Variants in GALNT18 observed in about 807,000 individuals in gnomAD.
GALNT18 encodes GalNAc-transferase 18.
A neutral mutation model predicts 69.5 loss-of-function variants in GALNT18; 44 were observed. That is an observed-to-expected ratio of 0.63 (90% confidence interval 0.50 to 0.81). The LOEUF (loss-of-function observed/expected upper bound fraction) is 0.81. Ranked by LOEUF, GALNT18 falls within the 40% of genes least tolerant of loss-of-function variation. GALNT18 has a pLI of 0.00. For missense variants in GALNT18, 715 were observed against 810.0 expected, an observed-to-expected ratio of 0.88 and a Z score of 1.42; for synonymous variants, 364 against 318.2, an observed-to-expected ratio of 1.14 and a Z score of -1.53.
At chr11:11,365,262 CTG>C (rs749996569) in intron 6 of GALNT18, among the ~76,000 whole-genome samples, 1 of 152,066 alleles carries the variant, frequency 6.6e-6, no homozygotes, top group Non-Finnish European at 1.5e-5. Context: ...TTTTCTGTTC[CTG>C]TGTTAGTTTG....
chr11:11,558,866 C>T (rs1332579494), intron 1 of GALNT18, among the ~76,000 whole-genome samples: 1 of 152,210 alleles, frequency 6.6e-6, no homozygotes, highest in Non-Finnish European at 1.5e-5. Flanking sequence ...GGAGTCCCCA[C>T]TTACTGTCCT....
chr11:11,552,695 C>T (rs1257790613), intron 1 of GALNT18, among the ~76,000 whole-genome samples: 1 of 152,168 alleles, frequency 6.6e-6, no homozygotes, highest in Non-Finnish European at 1.5e-5. Flanking sequence ...TATACTGTGA[C>T]CCTGCTAAGA....
Position 11,613,759 on chromosome 11 carries a change from T to C in GALNT18, c.235+7600A>G, listed in dbSNP as rs12275186. Among the ~76,000 whole-genome samples the C allele has an allele frequency of 8.9e-3, 1,359 of 152,298 alleles. 22 individuals are homozygous for C. Among genetic ancestry groups the C allele is most frequent in the African/African-American group, 0.031 (1,305 of 41,570 alleles). On this transcript the variant is annotated intron_variant, in intron 1 of 10. Transcript: ENST00000227756. This position sits in a 1 kb window ranked among gnomAD's most constrained non-coding sequence, Gnocchi z 4.2. ...TTCCAGGCCAGCATAAACAGCATGG[T>C]CCACCATTCATTGATGGTGGCTTAG... is the stretch of plus-strand genomic sequence containing the variant.
chr11:11,289,922 G>T (rs917224456), intron 10 of GALNT18, among the ~76,000 whole-genome samples: 2 of 152,192 alleles, frequency 1.3e-5, no homozygotes, highest in Non-Finnish European at 1.5e-5. Context: ...ACACAGAAAG[G>T]CTGAGGCTCA....
chr11:11,287,338 C>T (rs1185625742), intron 10 of GALNT18, among the ~76,000 whole-genome samples: 1 of 152,222 alleles, frequency 6.6e-6, no homozygotes, highest in Non-Finnish European at 1.5e-5. Flanking sequence ...CATCTTTGAA[C>T]AGAGGACTCC....
At chr11:11,297,761 G>GTCAT (rs925298492) in intron 9 of GALNT18, among the ~76,000 whole-genome samples, 1 of 152,132 alleles carries the variant, frequency 6.6e-6, no homozygotes, top group Non-Finnish European at 1.5e-5. Flanking sequence ...GCAGAGAAAC[G>GTCAT]TCATCCCCGC....
intron 1 of GALNT18, among the ~76,000 whole-genome samples, chr11:11,578,869 T>C (rs896278692): frequency 1.3e-5 from 2 of 152,240 alleles, no homozygotes; most frequent in African/African-American, 2.4e-5. Context: ...TCTGATGCCT[T>C]GTGCCTTGTT....
At chr11:11,481,921 T>C (rs71478968) in intron 1 of GALNT18, among the ~76,000 whole-genome samples, 1,834 of 152,342 alleles carry the variant, frequency 0.012, 24 homozygotes, top group South Asian at 0.032. Flanking sequence ...CTTCAAAGCA[T>C]AGCTTAAATA....
chr11:11,286,906 A>G (rs1442446148), intron 10 of GALNT18, among the ~76,000 whole-genome samples: 1 of 152,202 alleles, frequency 6.6e-6, no homozygotes, highest in Admixed American at 6.5e-5. Context: ...TTGCCATCTA[A>G]CTTCGGGAGC....
At chr11:11,477,712 G>A (rs910824247) in intron 1 of GALNT18, among the ~76,000 whole-genome samples, 1 of 152,158 alleles carries the variant, frequency 6.6e-6, no homozygotes, top group African/African-American at 2.4e-5. Flanking sequence ...ATTTATATAC[G>A]ACTTATGACA....
intron 10 of GALNT18, among the ~76,000 whole-genome samples, chr11:11,281,741 C>G (rs1050415472): frequency 5.9e-5 from 9 of 151,924 alleles, no homozygotes; most frequent in African/African-American, 2.2e-4. Flanking sequence ...ACCCTAGAGA[C>G]TAGAAGTGCG....
intron 3 of GALNT18, among the ~76,000 whole-genome samples, chr11:11,406,167 T>C (rs766639599): frequency 2.0e-5 from 3 of 152,250 alleles, no homozygotes; most frequent in African/African-American, 7.2e-5. Flanking sequence ...TTGTATGTCA[T>C]TGAATTTTAA....
rs1195080027 is a variant in GALNT18, at chr11:11,614,497, A to G, written c.235+6862T>C. On this transcript the variant is annotated intron_variant, in intron 1 of 10. Coordinates refer to ENST00000227756, the MANE Select transcript of GALNT18 (RefSeq NM_198516.3). This position sits in a 1 kb window ranked among gnomAD's most constrained non-coding sequence, Gnocchi z 5.6. ...GAAGACAGCACCAAGCCATTCATAC[A>G]AACACCTCCCACTAGGCCCCACCTC... is the stretch of plus-strand genomic sequence containing the variant. Among the ~76,000 whole-genome samples, 4 of 152,186 alleles carry G rather than the reference A, an allele frequency of 2.6e-5. No individual in the cohort carries two copies. The highest frequency in any genetic ancestry group is 9.7e-5 in the African/African-American group (4 of 41,438).
chr11:11,431,129 C>T (rs572450580), intron 3 of GALNT18, among the ~76,000 whole-genome samples: 6 of 152,262 alleles, frequency 3.9e-5, no homozygotes, highest in East Asian at 1.9e-4. Context: ...TGAAAGGCTC[C>T]GAGATTTCTT....
At chr11:11,280,773 G>A (rs1223005659) in intron 10 of GALNT18, among the ~76,000 whole-genome samples, 1 of 152,138 alleles carries the variant, frequency 6.6e-6, no homozygotes, top group Non-Finnish European at 1.5e-5. Context: ...TATAGCCAAG[G>A]AATTGGCACT....
At chr11:11,468,937 C>T (rs903973145) in intron 1 of GALNT18, among the ~76,000 whole-genome samples, 1 of 152,142 alleles carries the variant, frequency 6.6e-6, no homozygotes, top group Non-Finnish European at 1.5e-5. Context: ...ATGAGTATTG[C>T]TGGTGGACCA....
chr11:11,294,453 G>A (rs1198402458), intron 9 of GALNT18, among the ~76,000 whole-genome samples: 1 of 152,062 alleles, frequency 6.6e-6, no homozygotes, highest in African/African-American at 2.4e-5. Context: ...TATCAGTTCT[G>A]CTGGGAATCC....
At chr11:11,502,960 T>C (rs1590057168) in intron 1 of GALNT18, among the ~76,000 whole-genome samples, 1 of 152,190 alleles carries the variant, frequency 6.6e-6, no homozygotes, top group East Asian at 1.9e-4. Context: ...ACAGACACAT[T>C]GGCCCAGATT....
rs747962053 is a variant in GALNT18, at chr11:11,604,942, C to T, written c.235+16417G>A. 6.6e-6 allele frequency among the ~76,000 whole-genome samples: 1 copy of T among 151,760 alleles called. No homozygotes were observed. The highest frequency in any genetic ancestry group is 1.5e-5 in the Non-Finnish European group (1 of 67,970). On this transcript the variant is annotated intron_variant, in intron 1 of 10. Coordinates refer to ENST00000227756, the MANE Select transcript of GALNT18 (RefSeq NM_198516.3). The surrounding 1 kb of genome is among the most constrained non-coding windows in gnomAD (Gnocchi z 5.6). ...GCTATTGCTCCTGGCCGTGAGTCTGCGGAGGTAAAAAAAAAGAATGGAATA... is the reference window on the plus strand; with the variant it reads ...GCTATTGCTCCTGGCCGTGAGTCTGTGGAGGTAAAAAAAAAGAATGGAATA...
Sources: allele counts gnomAD v4.1 joint callset (sites outside exome capture counted in the v4.1 genomes callset), GRCh38; gene constraint gnomAD v4.1.1; non-coding constraint Gnocchi (gnomAD v3.1); transcripts MANE v1.5; gene names NCBI Gene and HGNC (gene_info 2026-07-23, HGNC 2026-07-21).